Variants in KCNQ1 observed in about 807,000 individuals in gnomAD.
KCNQ1 encodes the protein potassium voltage-gated channel subfamily KQT member 1.
A neutral mutation model predicts 72.4 loss-of-function variants in KCNQ1; 49 were observed. The ratio of observed to expected loss-of-function variants is 0.68; its 90% CI spans 0.54 to 0.86. The LOEUF (loss-of-function observed/expected upper bound fraction) is 0.86. Among genes scored for constraint, KCNQ1 ranks in the 40% least tolerant of loss-of-function variants. The pLI is 0.00. For missense variants in KCNQ1, 790 were observed against 945.1 expected, an observed-to-expected ratio of 0.84 and a Z score of 2.15; for synonymous variants, 450 against 412.6, an observed-to-expected ratio of 1.09 and a Z score of -1.10.
intron 11 of KCNQ1, chr11:2,692,815 TGA>T: frequency 2.5e-6 from 1 of 398,678 alleles, no homozygotes; most frequent in Non-Finnish European, 4.4e-6. Context: ...ATCCCTAACA[TGA>T]GGCAATGATC....
In KCNQ1 at chr11:2,611,986, T is replaced by C. The variant is rs1848985492; in HGVS notation, c.1393+23132T>C. The C allele has an allele frequency of 2.5e-6, 1 of 398,658 alleles. No homozygotes were observed. Among genetic ancestry groups the C allele is most frequent in the Non-Finnish European group, 4.4e-6 (1 of 226,070 alleles). 24.7% of individuals were successfully genotyped at this position (398,658 alleles called of 1,614,324 possible). ...TGCCCTATTCTCTCCTTCTCAGTAC[T>C]CTTATTAACACATATGTTGTTACTC... On this transcript the variant is annotated intron_variant, in intron 10 of 15. Coordinates refer to ENST00000155840, the MANE Select transcript of KCNQ1 (RefSeq NM_000218.3). The surrounding 1 kb of genome is among the most constrained non-coding windows in gnomAD (Gnocchi z 5.3).
Position 2,577,518 on chromosome 11 carries a change from T to TG in KCNQ1, c.921+4536dup, listed in dbSNP as rs367901419. Among the ~76,000 whole-genome samples, 1,451 of 152,306 alleles carry TG rather than the reference T, an allele frequency of 9.5e-3. 6 individuals are homozygous for TG. Among genetic ancestry groups the TG allele is most frequent in the Non-Finnish European group, 0.014 (984 of 68,016 alleles). On this transcript the variant is annotated intron_variant, in intron 6 of 15. Transcript: ENST00000155840. ...GACGGTTTCACCACCAGCCCGTGTG[T>TG]GGGGCTCCGGGCTTCGTGAGTGAGG... is the stretch of plus-strand genomic sequence containing the variant.
Position 2,822,787 on chromosome 11 carries a change from C to T in KCNQ1, c.1795-24980C>T, listed in dbSNP as rs1847764833. On this transcript the variant is annotated intron_variant, in intron 15 of 15. Transcript: ENST00000155840. Reference sequence around the variant, plus strand: ...AGGGGGAGCCCCAAAGGATGTGAGGCAAGGGAGCAATGAACAAATCTCACC... The same window carrying T: ...AGGGGGAGCCCCAAAGGATGTGAGGTAAGGGAGCAATGAACAAATCTCACC... Among the ~76,000 whole-genome samples, 2 of 152,096 alleles carry T rather than the reference C, an allele frequency of 1.3e-5. 1 individual carries two copies. The highest frequency in any genetic ancestry group is 4.1e-4 in the South Asian group (2 of 4,834).
At position 2,772,621 on chromosome 11, in the gene KCNQ1, G is replaced by A. The variant is rs1846621321; in HGVS notation, c.1591-3339G>A. On this transcript the variant is annotated intron_variant, in intron 12 of 15. Coordinates refer to ENST00000155840, the MANE Select transcript of KCNQ1 (RefSeq NM_000218.3). The surrounding 1 kb of genome is among the most constrained non-coding windows in gnomAD (Gnocchi z 6.6). ...GCATTGCTGAGCCTTCTTGGGCTATGCCCTACACCAGGTAAGGCTGTGGCT... is the reference window on the plus strand; with the variant it reads ...GCATTGCTGAGCCTTCTTGGGCTATACCCTACACCAGGTAAGGCTGTGGCT... Among the ~76,000 whole-genome samples, 1 of 152,188 alleles carries A rather than the reference G, an allele frequency of 6.6e-6. No individual in the cohort carries two copies. Among genetic ancestry groups the A allele is most frequent in the African/African-American group, 2.4e-5 (1 of 41,454 alleles).
At chr11:2,581,707 TCGTGTGTTTC>T (rs1210552183) in intron 6 of KCNQ1, among the ~76,000 whole-genome samples, 2 of 152,226 alleles carry the variant, frequency 1.3e-5, no homozygotes, top group African/African-American at 4.8e-5. Context: ...GTGTGCCGGG[TCGTGTGTTTC>T]CGTGTGTGTG....
chr11:2,627,597 A>T lies in KCNQ1; in HGVS notation c.1394-34364A>T. ...TATTTCACTTAGCATAATATCCTCC[A>T]GGTTCATCTATGTTGTCATAAATTG... On this transcript the variant is annotated intron_variant, in intron 10 of 15. Coordinates refer to ENST00000155840, the MANE Select transcript of KCNQ1 (RefSeq NM_000218.3). This position sits in a 1 kb window ranked among gnomAD's most constrained non-coding sequence, Gnocchi z 4.9. 1 of 398,408 alleles carries T rather than the reference A, an allele frequency of 2.5e-6. No homozygotes were observed. The highest frequency in any genetic ancestry group is 4.4e-6 in the Non-Finnish European group (1 of 226,036). 24.7% of individuals were successfully genotyped at this position (398,408 alleles called of 1,614,324 possible). A position where few individuals can be genotyped will look rare whatever the true frequency, so the allele number is the denominator to read the frequency against.
rs399802 is a variant in KCNQ1 at position 2,842,514 on chromosome 11, G to C, written c.1795-5253G>C. On this transcript the variant is annotated intron_variant, in intron 15 of 15. Coordinates refer to ENST00000155840, the MANE Select transcript of KCNQ1 (RefSeq NM_000218.3). ...AAAGGCCCAGGGGCCTGGGGGTGCA[G>C]GCAGGTGCACTCCAACCCTTGGGCA... Among the ~76,000 whole-genome samples, 18 of 152,360 alleles carry C rather than the reference G, an allele frequency of 1.2e-4. No homozygotes were observed. The East Asian group carries it at 3.5e-3, about 29-fold the overall frequency.
intron 15 of KCNQ1, among the ~76,000 whole-genome samples, chr11:2,844,923 C>T (rs1247600688): frequency 6.6e-6 from 1 of 152,220 alleles, no homozygotes; most frequent in Non-Finnish European, 1.5e-5. Flanking sequence ...TCCACACTAC[C>T]AGTATGCGGG....
intron 1 of KCNQ1, among the ~76,000 whole-genome samples, chr11:2,449,815 C>G (rs1159975519): frequency 1.3e-5 from 2 of 152,204 alleles, no homozygotes; most frequent in Non-Finnish European, 2.9e-5. Context: ...GGTTTCAAGT[C>G]TGCTCCTTCT....
intron 1 of KCNQ1, among the ~76,000 whole-genome samples, chr11:2,514,167 CT>C (rs1847252367): frequency 6.6e-6 from 1 of 152,260 alleles, no homozygotes; most frequent in Non-Finnish European, 1.5e-5. Flanking sequence ...CCTTACCTCG[CT>C]GGCGGCCATG....
intron 2 of KCNQ1, among the ~76,000 whole-genome samples, chr11:2,534,519 G>A (rs902342339): frequency 8.5e-5 from 13 of 152,328 alleles, no homozygotes; most frequent in African/African-American, 2.4e-4. Flanking sequence ...TGCCTGCCTC[G>A]CCCTGCCTGG....
chr11:2,829,049 T>C (rs1349528396), intron 15 of KCNQ1, among the ~76,000 whole-genome samples: 5 of 152,210 alleles, frequency 3.3e-5, no homozygotes, highest in Admixed American at 2.0e-4. Flanking sequence ...GAGAATAGAA[T>C]AAAGACATTT....
chr11:2,722,109 G>A (rs889904355), intron 11 of KCNQ1, among the ~76,000 whole-genome samples: 2 of 152,184 alleles, frequency 1.3e-5, no homozygotes, highest in Non-Finnish European at 2.9e-5. Flanking sequence ...CAGGCACAGG[G>A]TATGGGAAGC....
chr11:2,789,109 C>T (rs1460086230), intron 15 of KCNQ1, among the ~76,000 whole-genome samples: 1 of 152,162 alleles, frequency 6.6e-6, no homozygotes, highest in Non-Finnish European at 1.5e-5. Context: ...TCAGCAGGCA[C>T]CTCTGAACCG....
Position 2,526,391 on chromosome 11 carries a change from A to G in KCNQ1, c.387-1537A>G, listed in dbSNP as rs1847506228. Among the ~76,000 whole-genome samples, 1 of 151,996 alleles carries G rather than the reference A, an allele frequency of 6.6e-6. No homozygotes were observed. The highest frequency in any genetic ancestry group is 1.5e-5 in the Non-Finnish European group (1 of 67,994). On this transcript the variant is annotated intron_variant, in intron 1 of 15. Transcript: ENST00000155840. The surrounding 1 kb of genome is among the most constrained non-coding windows in gnomAD (Gnocchi z 6.1). ...TGAGGCAGGTGGCTGAGGAAATGGT[A>G]GCTGCAGGTTTTGGCCCCAGTCCCA...
chr11:2,686,288 G>A (rs1010217642), intron 11 of KCNQ1: 2 of 398,710 alleles, frequency 5.0e-6, no homozygotes, highest in Non-Finnish European at 8.8e-6. Flanking sequence ...GGCTTGGGAG[G>A]CCAGACCACA....
At chr11:2,779,296 G>A (rs1846774197) in intron 15 of KCNQ1, among the ~76,000 whole-genome samples, 1 of 152,212 alleles carries the variant, frequency 6.6e-6, no homozygotes, top group Admixed American at 6.5e-5. Context: ...GTGTTTCCCT[G>A]GCTTTCTCTT....
intron 15 of KCNQ1, among the ~76,000 whole-genome samples, chr11:2,791,108 T>C (rs1221633364): frequency 2.0e-5 from 3 of 152,238 alleles, no homozygotes; most frequent in Non-Finnish European, 2.9e-5. Flanking sequence ...TTTAAGTCTT[T>C]TTAAAAATTC....
At position 2,481,256 on chromosome 11, in the gene KCNQ1, C is replaced by T. The variant is rs10832134; in HGVS notation, c.386+35772C>T. Among the ~76,000 whole-genome samples the T allele has an allele frequency of 0.52, 79,347 of 151,976 alleles. 22,184 individuals carry two copies. The highest frequency in any genetic ancestry group is 0.63 in the Non-Finnish European group (42,693 of 67,966). ...AAGTTCAGAAATGTTAATCAGAGAA[C>T]GTGCAGAAATTTTTAAAGAAGAAAA... On this transcript the variant is annotated intron_variant, in intron 1 of 15. Coordinates refer to ENST00000155840, the MANE Select transcript of KCNQ1 (RefSeq NM_000218.3). This position sits in a 1 kb window ranked among gnomAD's most constrained non-coding sequence, Gnocchi z 4.6.
Sources: gnomAD v4.1 joint callset for allele counts (sites outside exome capture counted in the v4.1 genomes callset) on GRCh38, gnomAD v4.1.1 for gene constraint, Gnocchi (gnomAD v3.1) non-coding constraint, MANE v1.5 for transcripts, NCBI Gene and HGNC (gene_info 2026-07-23, HGNC 2026-07-21) for gene names.